Variants in MAGI2 observed in about 807,000 individuals in gnomAD.
MAGI2 encodes membrane-associated guanylate kinase, WW and PDZ domain-containing protein 2.
In MAGI2, 35 loss-of-function variants were observed where a neutral mutation model predicts 133.3. That is an observed-to-expected ratio of 0.26 (90% CI 0.20 to 0.35). The LOEUF (loss-of-function observed/expected upper bound fraction) is 0.35, where lower values mean the gene tolerates loss of function less well. Ranked by LOEUF, MAGI2 falls within the 10% of genes least tolerant of loss-of-function variation. The pLI, the probability that MAGI2 is intolerant of heterozygous loss-of-function variation, is 1.00. For synonymous variants in MAGI2, 729 were observed against 710.6 expected (o/e 1.03, Z -0.41); for missense variants, 1,636 against 1,863.4 (o/e 0.88, Z 2.25).
At chr7:78,463,465 A>G (rs1281313274) in intron 6 of MAGI2, among the ~76,000 whole-genome samples, 1 of 152,240 alleles carries the variant, frequency 6.6e-6, no homozygotes, top group East Asian at 1.9e-4. Context: ...ATTTAGATGT[A>G]TTCTAATCAG....
chr7:79,271,937 T>C (rs1028619981), intron 1 of MAGI2, among the ~76,000 whole-genome samples: 1 of 152,126 alleles, frequency 6.6e-6, no homozygotes, highest in Non-Finnish European at 1.5e-5. Flanking sequence ...GTCATGGCAC[T>C]GGAATGCTTT....
At chr7:78,521,958 G>A (rs953634998) in intron 3 of MAGI2, among the ~76,000 whole-genome samples, 2 of 152,000 alleles carry the variant, frequency 1.3e-5, no homozygotes, top group African/African-American at 2.4e-5. Context: ...AAAATTATCC[G>A]AATTTTTTAT....
chr7:78,626,897 T>C (rs1808422671), intron 3 of MAGI2, among the ~76,000 whole-genome samples: 1 of 150,656 alleles, frequency 6.6e-6, no homozygotes, highest in Admixed American at 6.6e-5. Context: ...TGTATATATA[T>C]AAAATATAAA....
chr7:78,645,752 T>C (rs181428449), intron 2 of MAGI2, among the ~76,000 whole-genome samples: 7,326 of 150,820 alleles, frequency 0.049, 272 homozygotes, highest in East Asian at 0.15. Flanking sequence ...TTTTTTTTTT[T>C]CCCCGAGACA....
At chr7:79,439,941 C>A (rs1848389056) in intron 1 of MAGI2, among the ~76,000 whole-genome samples, 1 of 152,054 alleles carries the variant, frequency 6.6e-6, no homozygotes. Context: ...CATTCTTCAA[C>A]CCTGTGACAT....
chr7:78,227,397 T>G (rs1235460815), intron 10 of MAGI2, among the ~76,000 whole-genome samples: 1 of 152,170 alleles, frequency 6.6e-6, no homozygotes, highest in Non-Finnish European at 1.5e-5. Flanking sequence ...AGTATGAACT[T>G]TCACCAGAGT....
intron 9 of MAGI2, among the ~76,000 whole-genome samples, chr7:78,342,936 T>C (rs1367215483): frequency 6.6e-6 from 1 of 152,218 alleles, no homozygotes; most frequent in Non-Finnish European, 1.5e-5. Flanking sequence ...TCTGCACATG[T>C]ACCCCAGAAC....
At chr7:79,067,589 C>G (rs1043972576) in intron 1 of MAGI2, among the ~76,000 whole-genome samples, 19 of 152,068 alleles carry the variant, frequency 1.2e-4, no homozygotes, top group Admixed American at 8.5e-4. Context: ...AATTGAATAC[C>G]ATTTATTTCT....
At chr7:78,210,991 A>C (rs778069783) in intron 10 of MAGI2, among the ~76,000 whole-genome samples, 6 of 152,174 alleles carry the variant, frequency 3.9e-5, no homozygotes, top group African/African-American at 9.7e-5. Context: ...CTACAGGGGA[A>C]TAAAGCCCTC....
chr7:79,171,770 A>ATATATATATATATTTTT, intron 1 of MAGI2, among the ~76,000 whole-genome samples: 23 of 31,210 alleles, frequency 7.4e-4, no homozygotes, highest in Admixed American at 1.6e-3. Context: ...ATATATATAT[A>ATATATATATATATTTTT]TTTTTTTTTT....
At chr7:78,548,407 T>G (rs1799050698) in intron 3 of MAGI2, among the ~76,000 whole-genome samples, 1 of 152,176 alleles carries the variant, frequency 6.6e-6, no homozygotes, top group African/African-American at 2.4e-5. Context: ...AAGATTGCTT[T>G]CATGTCGGCC....
chr7:79,005,544 CT>C (rs1284565253), intron 2 of MAGI2, among the ~76,000 whole-genome samples: 1 of 152,162 alleles, frequency 6.6e-6, no homozygotes, highest in Non-Finnish European at 1.5e-5. Context: ...TTAATTAAGA[CT>C]TTCTTATTTA....
At chr7:78,141,807 G>C (rs1038284311) in intron 16 of MAGI2, among the ~76,000 whole-genome samples, 2 of 152,130 alleles carry the variant, frequency 1.3e-5, no homozygotes, top group African/African-American at 4.8e-5. Flanking sequence ...GGGAAGAAGG[G>C]CTCATCACTG....
At chr7:79,004,971 A>C (rs542448392) in intron 2 of MAGI2, among the ~76,000 whole-genome samples, 9 of 151,872 alleles carry the variant, frequency 5.9e-5, no homozygotes, top group Non-Finnish European at 1.3e-4. Flanking sequence ...AATCCCAGCT[A>C]CTCAGGAGGC....
intron 6 of MAGI2, among the ~76,000 whole-genome samples, chr7:78,419,466 A>G (rs1798599281): frequency 6.6e-6 from 1 of 152,098 alleles, no homozygotes; most frequent in African/African-American, 2.4e-5. Flanking sequence ...GGGTAACATC[A>G]TAGCAACTCT....
At position 78,611,445 on chromosome 7, in the gene MAGI2, C is replaced by G. The variant is rs1404340146; in HGVS notation, c.538+15675G>C. 8.5e-5 allele frequency among the ~76,000 whole-genome samples: 13 copies of G among 152,170 alleles called. No homozygotes were observed. In the East Asian group the frequency reaches 2.5e-3, roughly 29 times the overall value. On this transcript the variant is annotated intron_variant, in intron 3 of 21. Transcript: ENST00000354212. Reference sequence around the variant, plus strand: ...GGCAAATCCAAGACTGGCATTTGAACTTATGATTTCTAGGCCTCTATTACA... The same window carrying G: ...GGCAAATCCAAGACTGGCATTTGAAGTTATGATTTCTAGGCCTCTATTACA...
chr7:78,909,767 G>A (rs1264972647), intron 2 of MAGI2, among the ~76,000 whole-genome samples: 2 of 152,224 alleles, frequency 1.3e-5, no homozygotes, highest in East Asian at 1.9e-4. Flanking sequence ...CTATTTGACC[G>A]AGTAATCCCA....
chr7:78,627,203 C>A lies in MAGI2; in HGVS notation c.455G>T (p.Gly152Val). 6.3e-7 allele frequency: 1 copy of A among 1,587,550 alleles called. No individual in the cohort carries two copies. Among genetic ancestry groups the A allele is most frequent in the Non-Finnish European group, 8.6e-7 (1 of 1,166,792 alleles). The change falls in exon 3 of 22, where the codon GGA (glycine) becomes GTA (valine). Residue 152 changes from glycine (G) to valine (V), a missense_variant. Physicochemically the swap from Gly to Val is moderately radical, Grantham distance 109 (BLOSUM62 -3). This residue lies in a region of MAGI2 where 148 missense variants were observed against 239.0 expected (regional missense o/e 0.62). Transcript: ENST00000354212. ...TRPHKEGEVP[G>V]VDYIFITVED... ...AACAGTGATGAAAATATAATCCACT[C>A]CAGGGACCTCACCCTCCTTATGTGG...
intron 3 of MAGI2, among the ~76,000 whole-genome samples, chr7:78,576,273 T>C (rs547365581): frequency 6.6e-6 from 1 of 152,250 alleles, no homozygotes; most frequent in East Asian, 1.9e-4. Flanking sequence ...GACACATTGG[T>C]CTCTAGCATT....
Sources: gnomAD v4.1 joint callset for allele counts (sites outside exome capture counted in the v4.1 genomes callset) on GRCh38, gnomAD v4.1.1 for gene constraint, gnomAD v4.1.1 regional missense constraint, MANE v1.5 for transcripts, NCBI Gene and HGNC (gene_info 2026-07-23, HGNC 2026-07-21) for gene names.